NUP54: variants seen among roughly 807,000 people sequenced by gnomAD.
NUP54 encodes nucleoporin p54.
Under a neutral mutation model 66.4 loss-of-function variants are expected in NUP54, and 27 were observed. The ratio of observed to expected loss-of-function variants is 0.41; its 90% confidence interval spans 0.30 to 0.56. The LOEUF (loss-of-function observed/expected upper bound fraction) is 0.56, where lower values mean the gene tolerates loss of function less well. NUP54 is among the 20% of genes least tolerant of loss of function. The pLI is 0.34. For synonymous variants in NUP54, 206 were observed against 210.7 expected (o/e 0.98, Z 0.19); for missense variants, 486 against 596.3 (o/e 0.82, Z 1.93).
intron 1 of NUP54, 22 bp from the exon 2 acceptor site, chr4:76,144,495 TAGAA>T (rs760091323): frequency 5.8e-6 from 9 of 1,551,944 alleles, no homozygotes; most frequent in Non-Finnish European, 7.0e-6. Flanking sequence ...AGAACAAAAA[TAGAA>T]AGGAAGAATC....
intron 3 of NUP54, among the ~76,000 whole-genome samples, chr4:76,140,114 G>C (rs140686584): frequency 3.9e-4 from 59 of 152,096 alleles, no homozygotes; most frequent in Non-Finnish European, 6.5e-4. Context: ...GTGAAGACTG[G>C]GGAACGGAGT....
chr4:76,146,821 T>G (rs28652901), intron 1 of NUP54, among the ~76,000 whole-genome samples: 237 of 152,368 alleles, frequency 1.6e-3, no homozygotes, highest in African/African-American at 5.6e-3. Context: ...TCTTTTTGAA[T>G]GCAAAGACGT....
chr4:76,131,334 A>T (rs892569397), intron 6 of NUP54, 50 bp from the exon 7 acceptor site: 1 of 1,155,762 alleles, frequency 8.7e-7, no homozygotes, highest in Admixed American at 2.0e-5. Flanking sequence ...TATTTTTATA[A>T]TATGTGTATG....
chr4:76,117,832 G>A, intron 10 of NUP54, 58 bp from the exon 11 acceptor site: 2 of 1,360,698 alleles, frequency 1.5e-6, no homozygotes, highest in Non-Finnish European at 2.1e-6. Context: ...AAAAGACAAT[G>A]TTTTCTTCTG....
At chr4:76,141,302 T>C in intron 3 of NUP54, among the ~76,000 whole-genome samples, 1 of 152,200 alleles carries the variant, frequency 6.6e-6, no homozygotes, top group East Asian at 1.9e-4. Context: ...TTTGTTCTAG[T>C]ACTCTCCTCT....
rs377634247 is a variant in NUP54 at position 76,117,678 on chromosome 4, G to T, written c.1381C>A (p.Arg461=). The T allele has an allele frequency of 1.2e-6, 2 of 1,609,124 alleles. No homozygotes were observed. Among genetic ancestry groups the T allele is most frequent in the South Asian group, 1.1e-5 (1 of 90,880 alleles). The change falls in exon 11 of 12, where the codon CGA becomes AGA. Residue 461 remains arginine (R), a synonymous_variant. Coordinates refer to ENST00000264883, the MANE Select transcript of NUP54 (RefSeq NM_017426.4). ...GCAACACTTACCTGCTTGATTTCTC[G>T]TAACAGATCTGCATCTATGTAATAC... ...ERYYIDADLL[R]EIKQHLKQQQ...
intron 4 of NUP54, 128 bp downstream of exon 4, chr4:76,136,058 A>C: frequency 1.5e-6 from 1 of 676,698 alleles, no homozygotes. Flanking sequence ...TATATTTTCA[A>C]AATAAAAGTA....
chr4:76,147,485 T>C, intron 1 of NUP54: 1 of 1,289,566 alleles, frequency 7.8e-7, no homozygotes, highest in Non-Finnish European at 1.0e-6. Context: ...CTACCTGCAC[T>C]TGCCAGACTG....
At chr4:76,145,958 A>G (rs1731480634) in intron 1 of NUP54, 1 of 294,144 alleles carries the variant, frequency 3.4e-6, no homozygotes, top group Non-Finnish European at 6.6e-6. Context: ...TGCAAACTAT[A>G]AACATTTTCA....
chr4:76,117,207 A>G (rs1034494404), intron 11 of NUP54, among the ~76,000 whole-genome samples: 4 of 152,222 alleles, frequency 2.6e-5, no homozygotes, highest in Admixed American at 2.6e-4. Flanking sequence ...TTCATGAAGC[A>G]TAACTTCTTC....
chr4:76,136,269 A>G lies in NUP54; in HGVS notation c.439T>C (p.Phe147Leu). Reference sequence around the variant, plus strand: ...AAATACCCTTTTCCTGTTCCCCAAAAGGCCTGCAGTTGATTCCATTTTGCC... The same window carrying G: ...AAATACCCTTTTCCTGTTCCCCAAAGGGCCTGCAGTTGATTCCATTTTGCC... ...ILAKWNQLQA[F>L]WGTGKGYFNN... The change falls in exon 4 of 12, where the codon TTT (phenylalanine) becomes CTT (leucine). Residue 147 changes from phenylalanine to leucine, a missense_variant. This residue lies in a region of NUP54 where 41 missense variants were observed against 82.7 expected (regional missense o/e 0.50). Coordinates refer to ENST00000264883, the MANE Select transcript of NUP54 (RefSeq NM_017426.4). The G allele has an allele frequency of 9.3e-6, 15 of 1,614,110 alleles. No individual in the cohort carries two copies. Among genetic ancestry groups the G allele is most frequent in the Non-Finnish European group, 1.3e-5 (15 of 1,179,992 alleles).
rs1731547581 is a variant in NUP54 at position 76,147,362 on chromosome 4, A to T, written c.67+946T>A. On this transcript the variant is annotated intron_variant, in intron 1 of 11. Coordinates refer to ENST00000264883, the MANE Select transcript of NUP54 (RefSeq NM_017426.4). ...CAGATGTTTTTGATTCGAGATAAGGAAATAAATTTCCTTTCCCTATTAGAC... is the reference window on the plus strand; with the variant it reads ...CAGATGTTTTTGATTCGAGATAAGGTAATAAATTTCCTTTCCCTATTAGAC... The T allele has an allele frequency of 3.4e-5, 20 of 582,828 alleles. No homozygotes were observed. The South Asian group carries it at 4.6e-4, about 13-fold the overall frequency. The allele number at this position is 582,828 out of a possible 1,614,324, so 36.1% of individuals were successfully genotyped here.
intron 4 of NUP54, among the ~76,000 whole-genome samples, chr4:76,134,770 G>A (rs61360019): frequency 0.13 from 19,997 of 152,026 alleles, 1,540 homozygotes; most frequent in East Asian, 0.35. Flanking sequence ...TATAGGGTGT[G>A]AAAGCAATAC....
intron 9 of NUP54, among the ~76,000 whole-genome samples, chr4:76,118,979 C>A (rs1730101896): frequency 6.6e-6 from 1 of 152,034 alleles, no homozygotes; most frequent in African/African-American, 2.4e-5. Context: ...GCACTCCAGC[C>A]TGGGCAACAG....
At chr4:76,141,047 T>G (rs112040115) in intron 3 of NUP54, among the ~76,000 whole-genome samples, 14 of 152,334 alleles carry the variant, frequency 9.2e-5, no homozygotes, top group African/African-American at 3.4e-4. Context: ...AAAGGACTTC[T>G]GGCGGTTGTC....
chr4:76,124,586 T>C, intron 9 of NUP54, 63 bp downstream of exon 9: 1 of 443,434 alleles, frequency 2.3e-6, no homozygotes, highest in Admixed American at 3.8e-5. Context: ...AAAATCTATA[T>C]TTAGTACATT....
chr4:76,125,784 G>GGGGAGAGA (rs1211943437), intron 8 of NUP54, among the ~76,000 whole-genome samples: 940 of 18,672 alleles, frequency 0.05, 135 homozygotes, highest in African/African-American at 0.15. Flanking sequence ...AGGGAGAGAG[G>GGGGAGAGA]GGGAGAGAGG....
chr4:76,134,432 G>C (rs1730944570), intron 4 of NUP54, 70 bp from the exon 5 acceptor site: 2 of 1,181,230 alleles, frequency 1.7e-6, no homozygotes. Flanking sequence ...AATATTAATA[G>C]CTTAATATCT....
At chr4:76,136,073 C>G (rs973422055) in intron 4 of NUP54, 113 bp downstream of exon 4, 2 of 722,800 alleles carry the variant, frequency 2.8e-6, no homozygotes, top group Non-Finnish European at 4.6e-6. Flanking sequence ...AAAGTATAAT[C>G]ATACCATGTT....
Sources: gnomAD v4.1 joint callset for allele counts (sites outside exome capture counted in the v4.1 genomes callset) on GRCh38, gnomAD v4.1.1 for gene constraint, gnomAD v4.1.1 regional missense constraint, MANE v1.5 for transcripts, NCBI Gene and HGNC (gene_info 2026-07-23, HGNC 2026-07-21) for gene names.